Variants in IFFO2 observed in about 807,000 individuals in gnomAD.
IFFO2 encodes the protein intermediate filament family orphan 2.
IFFO2 carries 19 observed loss-of-function variants against 53.5 expected under a neutral mutation model. The observed-to-expected ratio is 0.36, with a 90% CI of 0.25 to 0.52. The LOEUF is 0.52. Ranked by LOEUF, IFFO2 falls within the 20% of genes least tolerant of loss-of-function variation. The pLI is 0.94. For synonymous variants in IFFO2, 303 were observed against 313.6 expected (o/e 0.97, Z 0.36); for missense variants, 570 against 727.4 (o/e 0.78, Z 2.49).
chr1:18,953,751 C>T (rs1029568583), intron 1 of IFFO2, among the ~76,000 whole-genome samples: 4 of 152,214 alleles, frequency 2.6e-5, no homozygotes, highest in African/African-American at 9.6e-5. Context: ...GCAGCACCGT[C>T]TCATTCCAGG....
intron 1 of IFFO2, among the ~76,000 whole-genome samples, chr1:18,941,926 G>T (rs756566711): frequency 2.8e-4 from 43 of 152,194 alleles, no homozygotes; most frequent in Non-Finnish European, 5.3e-4. Flanking sequence ...ACCCTGCACT[G>T]GACACAGCCT....
At chr1:18,913,184 C>T (rs1159146010) in intron 5 of IFFO2, among the ~76,000 whole-genome samples, 5 of 152,214 alleles carry the variant, frequency 3.3e-5, no homozygotes, top group Admixed American at 2.0e-4. Context: ...CCAAGAAGGC[C>T]GTCTGGTAAA....
chr1:18,905,693 G>A lies in IFFO2; in HGVS notation c.*2868C>T, dbSNP rs2100632958. Reference sequence around the variant, plus strand: ...CGGAGTCTCAGAGGAGTGCGAGTGTGTGTGTGTGTGTGTGTGTGTGTGTGT... The same window carrying A: ...CGGAGTCTCAGAGGAGTGCGAGTGTATGTGTGTGTGTGTGTGTGTGTGTGT... On this transcript the variant is annotated 3_prime_UTR_variant, in exon 9 of 9. Transcript: ENST00000455833. 8.5e-6 allele frequency: 1 copy of A among 117,144 alleles called. No homozygotes were observed. The highest frequency in any genetic ancestry group is 7.9e-5 in the Admixed American group (1 of 12,686). The allele number at this position is 117,144 out of a possible 1,614,324, so 7.3% of individuals were successfully genotyped here.
At chr1:18,948,999 C>T (rs964985299) in intron 1 of IFFO2, among the ~76,000 whole-genome samples, 9 of 152,262 alleles carry the variant, frequency 5.9e-5, no homozygotes, top group Admixed American at 2.0e-4. Flanking sequence ...CAAGCTCACT[C>T]GGCTTTTAAC....
At chr1:18,937,020 C>T (rs1569857561) in intron 1 of IFFO2, among the ~76,000 whole-genome samples, 1 of 151,482 alleles carries the variant, frequency 6.6e-6, no homozygotes, top group African/African-American at 2.4e-5. Context: ...CCAGGTCATT[C>T]ATAAATGAGA....
Position 18,907,789 on chromosome 1 carries a change from G to A in IFFO2, c.*772C>T, listed in dbSNP as rs1178619652. 2 of 152,352 alleles carry A rather than the reference G, an allele frequency of 1.3e-5. No homozygotes were observed. Among genetic ancestry groups the A allele is most frequent in the Non-Finnish European group, 1.5e-5 (1 of 68,196 alleles). The allele number at this position is 152,352 out of a possible 1,614,324, so 9.4% of individuals were successfully genotyped here. On this transcript the variant is annotated 3_prime_UTR_variant, in exon 9 of 9. Coordinates refer to ENST00000455833, the MANE Select transcript of IFFO2 (RefSeq NM_001136265.2). ...CTCCAGGGGGAAGCCAGGAGCCCAG[G>A]AGAGGTCCTGCCTTCCACAATGATA...
intron 5 of IFFO2, among the ~76,000 whole-genome samples, chr1:18,913,778 G>T (rs959023915): frequency 3.9e-5 from 6 of 152,126 alleles, no homozygotes; most frequent in Non-Finnish European, 7.4e-5. Context: ...TGGGGGTGGG[G>T]GGTGATCAAA....
chr1:18,933,512 C>T (rs1009040414), intron 1 of IFFO2, among the ~76,000 whole-genome samples: 15 of 152,334 alleles, frequency 9.8e-5, no homozygotes, highest in Admixed American at 2.0e-4. Context: ...CGTTGGCTCA[C>T]GCCTGTAATC....
rs1244108199 is a variant in IFFO2 at position 18,956,230 on chromosome 1, C to A, written c.103G>T (p.Ala35Ser). ...CPGGGGGGGG[A>S]GPGPSPVTAA... Reference sequence around the variant, plus strand: ...GTCACCGGCGACGGACCCGGCCCTGCCCCGCCGCCGCCGCCGCCCCCGCCA... The same window carrying A: ...GTCACCGGCGACGGACCCGGCCCTGACCCGCCGCCGCCGCCGCCCCCGCCA... The change falls in exon 1 of 9, where the codon GCA (alanine) becomes TCA (serine). Residue 35 changes from alanine to serine, a missense_variant. Ala to Ser is a moderately conservative substitution (Grantham distance 99, BLOSUM62 1). Transcript: ENST00000455833. The surrounding 1 kb of genome is among the most constrained non-coding windows in gnomAD (Gnocchi z 6.4). The A allele has an allele frequency of 8.0e-7, 1 of 1,255,076 alleles. No homozygotes were observed. The highest frequency in any genetic ancestry group is 1.0e-6 in the Non-Finnish European group (1 of 973,458). The allele number at this position is 1,255,076 out of a possible 1,614,324, so 77.7% of individuals were successfully genotyped here.
chr1:18,925,816 AT>A (rs1936276733), intron 1 of IFFO2, among the ~76,000 whole-genome samples: 2 of 55,088 alleles, frequency 3.6e-5, no homozygotes, highest in East Asian at 1.3e-3. Flanking sequence ...GGTTGGATGG[AT>A]GGATGGATGG....
At chr1:18,952,202 A>G (rs1936667401) in intron 1 of IFFO2, among the ~76,000 whole-genome samples, 2 of 152,304 alleles carry the variant, frequency 1.3e-5, no homozygotes, top group African/African-American at 4.8e-5. Flanking sequence ...CAGAGTAGAG[A>G]TGTTTGTTTT....
At chr1:18,941,517 G>A (rs768739786) in intron 1 of IFFO2, among the ~76,000 whole-genome samples, 1 of 152,204 alleles carries the variant, frequency 6.6e-6, no homozygotes. Context: ...CACCCACAAG[G>A]CCTCGCAAGG....
intron 8 of IFFO2, among the ~76,000 whole-genome samples, chr1:18,909,622 C>T (rs1184116994): frequency 1.3e-5 from 2 of 152,094 alleles, no homozygotes; most frequent in Non-Finnish European, 1.5e-5. Flanking sequence ...GGGGGGTTTC[C>T]CCTTTGCTAG....
Position 18,908,056 on chromosome 1 carries a change from T to C in IFFO2, c.*505A>G, listed in dbSNP as rs544469659. ...GAGGCAAGCGGCTCCTTCCTGGGGGTTGGCAGAGCACCCCAAGCTCCAGGC... is the reference window on the plus strand; with the variant it reads ...GAGGCAAGCGGCTCCTTCCTGGGGGCTGGCAGAGCACCCCAAGCTCCAGGC... On this transcript the variant is annotated 3_prime_UTR_variant, in exon 9 of 9. Coordinates refer to ENST00000455833, the MANE Select transcript of IFFO2 (RefSeq NM_001136265.2). 3 of 158,070 alleles carry C rather than the reference T, an allele frequency of 1.9e-5. No individual in the cohort carries two copies. In the East Asian group the frequency reaches 5.4e-4, roughly 29 times the overall value. The allele number at this position is 158,070 out of a possible 1,614,324, so 9.8% of individuals were successfully genotyped here.
Position 18,921,130 on chromosome 1 carries a change from G to T in IFFO2, c.666-9C>A. On this transcript the variant is annotated splice_polypyrimidine_tract_variant and intron_variant, in intron 1 of 8. Transcript: ENST00000455833. ...CGAGCTCCTCCTCCCACCTGCAAAA[G>T]CCAAGAGGAACAGGTGGTCAGAAGG... 2 of 1,551,756 alleles carry T rather than the reference G, an allele frequency of 1.3e-6. No homozygotes were observed. The highest frequency in any genetic ancestry group is 1.7e-6 in the Non-Finnish European group (2 of 1,146,914).
chr1:18,911,332 A>G (rs1286491414), intron 7 of IFFO2, 52 bp downstream of exon 7: 3 of 921,010 alleles, frequency 3.3e-6, no homozygotes, highest in East Asian at 6.4e-5. Flanking sequence ...GATCTCAACC[A>G]TGTGGACCTC....
intron 5 of IFFO2, among the ~76,000 whole-genome samples, chr1:18,913,920 C>T (rs946993475): frequency 7.3e-5 from 11 of 150,284 alleles, no homozygotes; most frequent in Non-Finnish European, 1.0e-4. Context: ...AGGCTCCGCC[C>T]CCTGGGGTTC....
intron 8 of IFFO2, 150 bp downstream of exon 8, chr1:18,910,191 AT>A: frequency 4.7e-5 from 34 of 725,134 alleles, no homozygotes; most frequent in East Asian, 3.3e-4. Flanking sequence ...TAGTCACTGG[AT>A]GGATGGATGG....
chr1:18,954,200 C>G (rs1936694783), intron 1 of IFFO2, among the ~76,000 whole-genome samples: 1 of 152,238 alleles, frequency 6.6e-6, no homozygotes, highest in Non-Finnish European at 1.5e-5. Flanking sequence ...CTTGAGGACT[C>G]TCAGCATTTC....
Sources: allele counts gnomAD v4.1 joint callset (sites outside exome capture counted in the v4.1 genomes callset), GRCh38; gene constraint gnomAD v4.1.1; non-coding constraint Gnocchi (gnomAD v3.1); transcripts MANE v1.5; gene names NCBI Gene and HGNC (gene_info 2026-07-23, HGNC 2026-07-21).